The following LEMD1 variants were observed in gnomAD, a reference collection of about 807,000 sequenced individuals.
LEMD1 encodes LEM domain-containing protein 1.
A neutral mutation model predicts 17.4 loss-of-function variants in LEMD1; 18 were observed. The observed-to-expected ratio is 1.04, with a 90% CI of 0.72 to 1.54. The LOEUF (loss-of-function observed/expected upper bound fraction) is 1.54. Among genes scored for constraint, LEMD1 ranks in the 40% most tolerant of loss-of-function variants. The probability of loss-of-function intolerance (pLI) is 0.00; values close to 1 mark genes in which losing one functional copy is unlikely to be tolerated. For synonymous variants in LEMD1, 88 were observed against 77.8 expected, an observed-to-expected ratio of 1.13 and a Z score of -0.69; for missense variants, 195 against 210.4, an observed-to-expected ratio of 0.93 and a Z score of 0.45.
At position 205,381,410 on chromosome 1, in the gene LEMD1, G is replaced by A. The variant is rs1027606759; in HGVS notation, c.*248C>T. On this transcript the variant is annotated 3_prime_UTR_variant, in exon 6 of 6. Transcript: ENST00000367153. ...GTTTGACGCCTGCTCAAATATGGAA[G>A]CACCTTTAATGAGAGTTGACATGAC... The A allele has an allele frequency of 7.8e-6, 4 of 513,844 alleles. No homozygotes were observed. The highest frequency in any genetic ancestry group is 7.6e-5 in the African/African-American group (4 of 52,574). The allele number at this position is 513,844 out of a possible 1,614,324, so 31.8% of individuals were successfully genotyped here.
chr1:205,393,448 G>C (rs1486520859), intron 4 of LEMD1, among the ~76,000 whole-genome samples: 1 of 152,012 alleles, frequency 6.6e-6, no homozygotes, highest in Non-Finnish European at 1.5e-5. Context: ...GGCCGAGGTG[G>C]ATGGATCACT....
chr1:205,449,514 A>G (rs918052750), intron 1 of LEMD1, among the ~76,000 whole-genome samples: 7 of 152,112 alleles, frequency 4.6e-5, no homozygotes, highest in Non-Finnish European at 8.8e-5. Context: ...GGCTCCCTGC[A>G]CAACCCTGGT....
chr1:205,393,115 G>T (rs1664416754), intron 4 of LEMD1, among the ~76,000 whole-genome samples: 1 of 151,966 alleles, frequency 6.6e-6, no homozygotes, highest in African/African-American at 2.4e-5. Context: ...CATATATCTG[G>T]GGTCTATTAT....
intron 3 of LEMD1, among the ~76,000 whole-genome samples, chr1:205,416,979 T>G (rs1191607924): frequency 1.3e-5 from 2 of 152,128 alleles, no homozygotes; most frequent in Admixed American, 1.3e-4. Flanking sequence ...TAGGACTCCC[T>G]GCACCTCCAC....
chr1:205,443,558 G>A (rs947253096), intron 1 of LEMD1, among the ~76,000 whole-genome samples: 5 of 152,168 alleles, frequency 3.3e-5, no homozygotes, highest in Admixed American at 6.5e-5. Flanking sequence ...CTCCCGAGAG[G>A]TGTTCGAGGG....
chr1:205,407,201 G>T (rs909956459), intron 4 of LEMD1, among the ~76,000 whole-genome samples: 2 of 151,912 alleles, frequency 1.3e-5, no homozygotes, highest in Non-Finnish European at 2.9e-5. Flanking sequence ...GTGGCAGCAC[G>T]TGCCTGTAAT....
intron 4 of LEMD1, among the ~76,000 whole-genome samples, chr1:205,399,322 G>T (rs1240612251): frequency 2.6e-5 from 4 of 152,158 alleles, no homozygotes; most frequent in African/African-American, 9.7e-5. Context: ...TTTTATAAAA[G>T]TGAATGATTA....
At chr1:205,384,666 A>T (rs1663901410) in intron 4 of LEMD1, among the ~76,000 whole-genome samples, 1 of 152,154 alleles carries the variant, frequency 6.6e-6, no homozygotes, top group Non-Finnish European at 1.5e-5. Context: ...TTGCTTCTTT[A>T]TTTGTACTTT....
intron 4 of LEMD1, among the ~76,000 whole-genome samples, chr1:205,400,096 C>T (rs567616376): frequency 5.9e-5 from 9 of 152,284 alleles, no homozygotes; most frequent in East Asian, 1.9e-4. Flanking sequence ...GACACAGGGT[C>T]GCTTTGTCAA....
At chr1:205,416,903 G>C (rs539830551) in intron 3 of LEMD1, among the ~76,000 whole-genome samples, 4 of 152,304 alleles carry the variant, frequency 2.6e-5, no homozygotes, top group African/African-American at 9.6e-5. Context: ...AAGACAGTCA[G>C]TTAGTGAAAA....
At chr1:205,405,885 T>A (rs531509999) in intron 4 of LEMD1, among the ~76,000 whole-genome samples, 1 of 152,064 alleles carries the variant, frequency 6.6e-6, no homozygotes, top group African/African-American at 2.4e-5. Context: ...GTTTTTGGTG[T>A]GGATGTCCTT....
intron 1 of LEMD1, among the ~76,000 whole-genome samples, chr1:205,440,138 T>C (rs1180970913): frequency 6.6e-6 from 1 of 151,750 alleles, no homozygotes; most frequent in Non-Finnish European, 1.5e-5. Flanking sequence ...AGGAAAGGGG[T>C]CCCTCAGTCT....
intron 4 of LEMD1, among the ~76,000 whole-genome samples, chr1:205,411,464 G>A (rs1362524641): frequency 7.3e-5 from 11 of 151,530 alleles, no homozygotes; most frequent in Non-Finnish European, 2.9e-5. Context: ...GCAGAGGCAG[G>A]AGAATGGCGT....
chr1:205,438,225 C>A (rs1388799664), intron 1 of LEMD1, among the ~76,000 whole-genome samples: 2 of 152,220 alleles, frequency 1.3e-5, no homozygotes, highest in Admixed American at 1.3e-4. Flanking sequence ...CACCCATCTG[C>A]AAGGAGGAAT....
chr1:205,389,526 G>A (rs1012031314), intron 4 of LEMD1, among the ~76,000 whole-genome samples: 4 of 152,198 alleles, frequency 2.6e-5, no homozygotes, highest in African/African-American at 9.7e-5. Flanking sequence ...AGGGTGCTGA[G>A]AGCCCAGTTT....
At chr1:205,426,535 G>C (rs569715055), upstream of LEMD1, among the ~76,000 whole-genome samples, 43 of 152,314 alleles carry the variant, frequency 2.8e-4, no homozygotes, top group African/African-American at 9.9e-4. Context: ...GTGGAACTCA[G>C]AGTGGGAAGA....
intron 4 of LEMD1, among the ~76,000 whole-genome samples, chr1:205,411,662 G>GAA (rs993974809): frequency 5.2e-5 from 7 of 135,612 alleles, no homozygotes; most frequent in Admixed American, 1.5e-4. Flanking sequence ...AGGAAAGAAA[G>GAA]AAAGAAAGAA....
intron 4 of LEMD1, among the ~76,000 whole-genome samples, chr1:205,409,416 C>T (rs935972919): frequency 6.6e-6 from 1 of 152,076 alleles, no homozygotes; most frequent in African/African-American, 2.4e-5. Context: ...TTTGTACTTG[C>T]CTCTTATTAC....
At chr1:205,383,010 AACTACTT>A in intron 5 of LEMD1, among the ~76,000 whole-genome samples, 1 of 152,272 alleles carries the variant, frequency 6.6e-6, no homozygotes, top group Middle Eastern at 3.4e-3. Context: ...CTTTTATTTG[AACTACTT>A]ACTCTTTTTA....
Sources: allele counts gnomAD v4.1 joint callset (sites outside exome capture counted in the v4.1 genomes callset), GRCh38; gene constraint gnomAD v4.1.1; transcripts MANE v1.5; gene names NCBI Gene and HGNC (gene_info 2026-07-23, HGNC 2026-07-21).